Variants in NTM observed in about 807,000 individuals in gnomAD.
NTM encodes the protein neurotrimin.
Under a neutral mutation model 42.1 loss-of-function variants are expected in NTM, and 13 were observed. The observed-to-expected ratio is 0.31, with a 90% CI of 0.20 to 0.49. The LOEUF (loss-of-function observed/expected upper bound fraction) is 0.49, where lower values mean the gene tolerates loss of function less well. Among genes scored for constraint, NTM ranks in the 20% least tolerant of loss-of-function variants. The pLI, the probability that NTM is intolerant of heterozygous loss-of-function variation, is 0.99. For missense variants in NTM, 373 were observed against 452.8 expected, an observed-to-expected ratio of 0.82 and a Z score of 1.60; for synonymous variants, 187 against 179.2, an observed-to-expected ratio of 1.04 and a Z score of -0.35.
At chr11:131,509,356 A>G (rs993022439) in intron 1 of NTM, among the ~76,000 whole-genome samples, 8 of 152,124 alleles carry the variant, frequency 5.3e-5, no homozygotes, top group Admixed American at 2.0e-4. Flanking sequence ...TCGGTGTCCA[A>G]TGTCTGTAAA....
At chr11:131,476,539 G>C (rs1413949130) in intron 1 of NTM, among the ~76,000 whole-genome samples, 2 of 152,132 alleles carry the variant, frequency 1.3e-5, no homozygotes, top group Non-Finnish European at 2.9e-5. Context: ...ATTATTTACA[G>C]GCTCCAAAGT....
intron 1 of NTM, among the ~76,000 whole-genome samples, chr11:131,766,077 G>A (rs564524968): frequency 1.3e-5 from 2 of 152,284 alleles, no homozygotes; most frequent in Admixed American, 6.5e-5. Flanking sequence ...GGGCATGGAG[G>A]GGGCTGACTG....
chr11:131,789,645 G>GAAGAAGAAGAAGAAGAAGAAGAAGAA (rs2090517569), intron 1 of NTM, among the ~76,000 whole-genome samples: 1 of 128,244 alleles, frequency 7.8e-6, no homozygotes. Context: ...AAAAGAAGAA[G>GAAGAAGAAGAAGAAGAAGAAGAAGAA]AAGAAGAAGA....
intron 2 of NTM, among the ~76,000 whole-genome samples, chr11:132,096,857 C>T (rs1429113741): frequency 6.6e-6 from 1 of 152,102 alleles, no homozygotes; most frequent in Non-Finnish European, 1.5e-5. Context: ...TGTGGAGAGT[C>T]TGAGAGGAGA....
At chr11:131,846,730 A>G (rs1210812791) in intron 1 of NTM, among the ~76,000 whole-genome samples, 1 of 152,208 alleles carries the variant, frequency 6.6e-6, no homozygotes, top group Non-Finnish European at 1.5e-5. Flanking sequence ...AGAAATCTGT[A>G]GTTTCTATAA....
intron 1 of NTM, among the ~76,000 whole-genome samples, chr11:131,487,056 CAAAA>C (rs201403783): frequency 6.6e-6 from 1 of 151,762 alleles, no homozygotes; most frequent in South Asian, 2.1e-4. Context: ...GAAACCCCAG[CAAAA>C]AAAACAGTGT....
intron 1 of NTM, among the ~76,000 whole-genome samples, chr11:131,787,504 G>A (rs2089463891): frequency 6.6e-6 from 1 of 151,812 alleles, no homozygotes; most frequent in Non-Finnish European, 1.5e-5. Context: ...TCCTGCCTCA[G>A]CCTTTGGAGT....
In NTM at chr11:132,335,192, C is replaced by A. The variant is rs1400777917; in HGVS notation, c.*46C>A. ...CCGGGAAAGGCTGCCGCCACCACCA[C>A]CACCAACACAACAGCAATGGCAACA... On this transcript the variant is annotated 3_prime_UTR_variant, in exon 9 of 9. Transcript: ENST00000683400. The A allele has an allele frequency of 1.9e-6, 3 of 1,604,508 alleles. No homozygotes were observed.
At chr11:131,564,535 T>A (rs2056643951) in intron 1 of NTM, among the ~76,000 whole-genome samples, 1 of 152,064 alleles carries the variant, frequency 6.6e-6, no homozygotes, top group Non-Finnish European at 1.5e-5. Flanking sequence ...TTTTTTGAGG[T>A]ATTGTTGATA....
chr11:131,951,003 G>GT (rs139140307), intron 2 of NTM, among the ~76,000 whole-genome samples: 2,610 of 150,936 alleles, frequency 0.017, 66 homozygotes, highest in African/African-American at 0.056. Context: ...TTTGGTAATT[G>GT]TTTTTTTTTA....
At chr11:131,622,339 G>A (rs2062661340) in intron 1 of NTM, among the ~76,000 whole-genome samples, 1 of 152,174 alleles carries the variant, frequency 6.6e-6, no homozygotes, top group Non-Finnish European at 1.5e-5. Flanking sequence ...ATAATCATAA[G>A]TAAACAAGCA....
At chr11:131,471,248 T>C (rs1243449957) in intron 1 of NTM, among the ~76,000 whole-genome samples, 1 of 152,362 alleles carries the variant, frequency 6.6e-6, no homozygotes, top group East Asian at 1.9e-4. Flanking sequence ...CTAAACACAA[T>C]GCACAGTTCT....
chr11:131,885,061 A>G (rs1441254603), intron 1 of NTM, among the ~76,000 whole-genome samples: 2 of 152,216 alleles, frequency 1.3e-5, no homozygotes, highest in Non-Finnish European at 1.5e-5. Context: ...ATCCTAATGT[A>G]AAGAAGAGCC....
intron 2 of NTM, among the ~76,000 whole-genome samples, chr11:132,058,823 A>T (rs1468747579): frequency 2.0e-5 from 3 of 152,208 alleles, no homozygotes; most frequent in African/African-American, 7.2e-5. Flanking sequence ...CTTGTTGTAG[A>T]TGCACAACCT....
intron 1 of NTM, among the ~76,000 whole-genome samples, chr11:131,379,848 T>C (rs1942428542): frequency 6.6e-6 from 1 of 152,200 alleles, no homozygotes; most frequent in Non-Finnish European, 1.5e-5. Flanking sequence ...GGTTCTTCTC[T>C]AGAGTTGTTC....
At chr11:131,866,405 G>C (rs541602341) in intron 1 of NTM, among the ~76,000 whole-genome samples, 1 of 152,374 alleles carries the variant, frequency 6.6e-6, no homozygotes, top group Non-Finnish European at 1.5e-5. Flanking sequence ...AGCTCCTTGG[G>C]GCCAGAAGCC....
chr11:131,537,852 C>T (rs1298816686), intron 1 of NTM: 2 of 152,378 alleles, frequency 1.3e-5, no homozygotes, highest in East Asian at 1.9e-4. Context: ...AAGGAACACA[C>T]ACCTTCACTC....
At chr11:131,577,281 G>A (rs563645186) in intron 1 of NTM, among the ~76,000 whole-genome samples, 1 of 152,098 alleles carries the variant, frequency 6.6e-6, no homozygotes, top group African/African-American at 2.4e-5. Context: ...TGAGCAGATA[G>A]CTTGAAAAAA....
intron 4 of NTM, among the ~76,000 whole-genome samples, chr11:132,288,925 A>C (rs2094354176): frequency 6.6e-6 from 1 of 152,028 alleles, no homozygotes; most frequent in Admixed American, 6.6e-5. Context: ...CTGGTGCGAT[A>C]ATTTCTATTT....
Sources: gnomAD v4.1 joint callset for allele counts (sites outside exome capture counted in the v4.1 genomes callset) on GRCh38, gnomAD v4.1.1 for gene constraint, MANE v1.5 for transcripts, NCBI Gene and HGNC (gene_info 2026-07-23, HGNC 2026-07-21) for gene names.